Variants in NCOA3 observed in about 807,000 individuals in gnomAD.
NCOA3 encodes the protein nuclear receptor coactivator 3.
In NCOA3, 51 loss-of-function variants were observed where a neutral mutation model predicts 158.8. The ratio of observed to expected loss-of-function variants is 0.32; its 90% CI spans 0.26 to 0.41. NCOA3 has a LOEUF of 0.41. NCOA3 is among the 10% of genes least tolerant of loss of function. The pLI, the probability that NCOA3 is intolerant of heterozygous loss-of-function variation, is 1.00. For missense variants in NCOA3, 1,510 were observed against 1,746.6 expected (o/e 0.86, Z 2.41); for synonymous variants, 537 against 592.4 (o/e 0.91, Z 1.36).
At chr20:47,651,411 TTAAA>T in intron 20 of NCOA3, 135 bp downstream of exon 20, 1 of 1,389,252 alleles carries the variant, frequency 7.2e-7, no homozygotes, top group Non-Finnish European at 9.5e-7. Flanking sequence ...CCAAATTAAT[TTAAA>T]TGATTGGAAA....
At chr20:47,571,538 G>A (rs927802745) in intron 1 of NCOA3, among the ~76,000 whole-genome samples, 4 of 145,012 alleles carry the variant, frequency 2.8e-5, no homozygotes, top group African/African-American at 1.0e-4. Context: ...GGCTGGTCTC[G>A]AACTCCTGGC....
chr20:47,573,355 C>G (rs1168067718), intron 1 of NCOA3, among the ~76,000 whole-genome samples: 1 of 152,032 alleles, frequency 6.6e-6, no homozygotes, highest in Non-Finnish European at 1.5e-5. Flanking sequence ...AGCTGAGATC[C>G]TGCCACTGCA....
At chr20:47,611,089 T>C (rs752758230) in intron 2 of NCOA3, among the ~76,000 whole-genome samples, 17 of 152,194 alleles carry the variant, frequency 1.1e-4, no homozygotes, top group Middle Eastern at 3.2e-3. Flanking sequence ...GTGGCTAATG[T>C]TGTCATCTCT....
intron 2 of NCOA3, among the ~76,000 whole-genome samples, chr20:47,594,928 A>C (rs953518225): frequency 1.3e-5 from 2 of 149,338 alleles, no homozygotes; most frequent in Non-Finnish European, 3.0e-5. Context: ...AGTAGCTGGG[A>C]TTACAGGCAC....
intron 1 of NCOA3, among the ~76,000 whole-genome samples, chr20:47,567,444 C>G (rs183656328): frequency 3.2e-4 from 49 of 151,716 alleles, no homozygotes; most frequent in Admixed American, 3.0e-3. Flanking sequence ...TTGGCCCAGG[C>G]TAGAGTGCAG....
intron 1 of NCOA3, among the ~76,000 whole-genome samples, chr20:47,512,580 A>C (rs2084163713): frequency 6.6e-6 from 1 of 150,890 alleles, no homozygotes; most frequent in Non-Finnish European, 1.5e-5. Context: ...AAAAAAAAAA[A>C]AAAAAAAAAC....
At chr20:47,638,954 GATT>G in intron 13 of NCOA3, 51 bp from the exon 14 acceptor site, 1 of 1,413,076 alleles carries the variant, frequency 7.1e-7, no homozygotes, top group Non-Finnish European at 9.6e-7. Context: ...TTTTGTACTT[GATT>G]ATTTATATAT....
chr20:47,508,797 A>G (rs2084068861), intron 1 of NCOA3, among the ~76,000 whole-genome samples: 1 of 152,190 alleles, frequency 6.6e-6, no homozygotes, highest in Non-Finnish European at 1.5e-5. Flanking sequence ...CCTGATCAAT[A>G]TATTTTGTTA....
At position 47,570,015 on chromosome 20, in the gene NCOA3, A is replaced by T. The variant is rs1055832834; in HGVS notation, c.-98-13168A>T. On this transcript the variant is annotated intron_variant, in intron 1 of 22. Transcript: ENST00000371998. ...ACAGAGTGAGACTCCGTCTCAAAAA[A>T]AACAACAAAAAAAAAACCCTGCGGC... 1.4e-3 allele frequency among the ~76,000 whole-genome samples: 210 copies of T among 147,854 alleles called. 2 individuals are homozygous for T. Among genetic ancestry groups the T allele is most frequent in the Non-Finnish European group, 5.2e-4 (35 of 67,340 alleles).
chr20:47,620,667 G>A (rs957949420), intron 2 of NCOA3, among the ~76,000 whole-genome samples: 1 of 152,124 alleles, frequency 6.6e-6, no homozygotes, highest in Non-Finnish European at 1.5e-5. Flanking sequence ...ATATGTAATA[G>A]CCTGTTACCC....
At chr20:47,567,387 TTTTC>T (rs1458932681) in intron 1 of NCOA3, among the ~76,000 whole-genome samples, 2 of 151,672 alleles carry the variant, frequency 1.3e-5, no homozygotes, top group East Asian at 1.9e-4. Flanking sequence ...ATTTGAGTAC[TTTTC>T]TTTCTTTCTT....
At position 47,639,166 on chromosome 20, in the gene NCOA3, A is replaced by G; in HGVS notation, c.2671A>G (p.Met891Val). 1 of 1,614,156 alleles carries G rather than the reference A, an allele frequency of 6.2e-7. No homozygotes were observed. The highest frequency in any genetic ancestry group is 8.5e-7 in the Non-Finnish European group (1 of 1,180,000). Residue 891 changes from methionine (M) to valine (V), a missense_variant, in exon 14 of 23, where the codon ATG becomes GTG. Transcript: ENST00000371998. Reference sequence around the variant, plus strand: ...ACCCATGTTGGGTGGGAATCCAAGAATGATGGATAGTCAGGAAAATTATGG... The same window carrying G: ...ACCCATGTTGGGTGGGAATCCAAGAGTGATGGATAGTCAGGAAAATTATGG... ...KQPMLGGNPRMMDSQENYGSS... is the reference protein window; with the variant it reads ...KQPMLGGNPRVMDSQENYGSS...
chr20:47,625,096 G>T (rs1274871194), intron 4 of NCOA3, among the ~76,000 whole-genome samples: 1 of 152,124 alleles, frequency 6.6e-6, no homozygotes, highest in Non-Finnish European at 1.5e-5. Flanking sequence ...CTTTAGAGAC[G>T]GTTAACAGAC....
rs139542333 is a variant in NCOA3, at chr20:47,649,097, G to C, written c.3639G>C (p.Gln1213His). The part of the protein sequence containing the change: ...AAVMRPMMQP[Q>H]VSSQQGFLNA... ...TGATGAGGCCTATGATGCAGCCCCA[G>C]GTGAGCTCCCAGGTGAGGATGATAA... is the stretch of plus-strand genomic sequence containing the variant. Residue 1213 changes from glutamine to histidine, a missense_variant, in exon 19 of 23, where the codon CAG becomes CAC. Transcript: ENST00000371998. 6.8e-6 allele frequency: 11 copies of C among 1,612,700 alleles called. No homozygotes were observed. In the African/African-American group the frequency reaches 1.2e-4, roughly 18 times the overall value.
intron 1 of NCOA3, among the ~76,000 whole-genome samples, chr20:47,548,454 G>C: frequency 6.6e-6 from 1 of 152,000 alleles, no homozygotes; most frequent in East Asian, 1.9e-4. Flanking sequence ...TGAGGCAGGA[G>C]AATCACTTGA....
intron 21 of NCOA3, 125 bp downstream of exon 21, chr20:47,652,705 G>A: frequency 9.6e-7 from 1 of 1,039,548 alleles, no homozygotes. Context: ...ATTAGAAGGT[G>A]TGATTTGGCT....
At chr20:47,542,937 T>C (rs1299551980) in intron 1 of NCOA3, among the ~76,000 whole-genome samples, 1 of 152,138 alleles carries the variant, frequency 6.6e-6, no homozygotes, top group Non-Finnish European at 1.5e-5. Flanking sequence ...TGTACTCCAG[T>C]CTGGGTGACA....
chr20:47,588,747 G>A (rs763919749), intron 2 of NCOA3, among the ~76,000 whole-genome samples: 1 of 151,890 alleles, frequency 6.6e-6, no homozygotes, highest in Non-Finnish European at 1.5e-5. Flanking sequence ...TTATACAAAA[G>A]ATAGCGTACT....
chr20:47,538,534 A>G (rs1418826645), intron 1 of NCOA3, among the ~76,000 whole-genome samples: 1 of 152,004 alleles, frequency 6.6e-6, no homozygotes, highest in Non-Finnish European at 1.5e-5. Context: ...TTAAATAACC[A>G]GCATTATTAC....
Sources: allele counts gnomAD v4.1 joint callset (sites outside exome capture counted in the v4.1 genomes callset), GRCh38; gene constraint gnomAD v4.1.1; transcripts MANE v1.5; gene names NCBI Gene and HGNC (gene_info 2026-07-23, HGNC 2026-07-21).